Variants in NR6A1 observed in about 807,000 individuals in gnomAD.
NR6A1 encodes the protein retinoic acid receptor-related testis-associated receptor.
Under a neutral mutation model 59.1 loss-of-function variants are expected in NR6A1, and 7 were observed. The observed-to-expected ratio is 0.12, with a 90% CI of 0.07 to 0.22. The LOEUF (loss-of-function observed/expected upper bound fraction) is 0.22, where lower values mean the gene tolerates loss of function less well. NR6A1 is among the 10% of genes least tolerant of loss of function. NR6A1 has a pLI of 1.00. For synonymous variants in NR6A1, 243 were observed against 236.1 expected (o/e 1.03, Z -0.27); for missense variants, 468 against 611.6 (o/e 0.77, Z 2.48).
At chr9:124,723,166 T>A (rs10760373) in intron 2 of NR6A1, among the ~76,000 whole-genome samples, 73,683 of 151,920 alleles carry the variant, frequency 0.49, 18,053 homozygotes, top group Admixed American at 0.59. Context: ...TTTTTTAAAG[T>A]CTGAGTAAAC....
rs562949133 is a variant in NR6A1, at chr9:124,694,012, C to T, written c.142+39296G>A. Among the ~76,000 whole-genome samples the T allele has an allele frequency of 6.0e-4, 91 of 152,278 alleles. 1 individual carries two copies. In the South Asian group the frequency reaches 0.018, roughly 31 times the overall value. The stretch of plus-strand genomic sequence containing the variant: ...GATATTTTATAGGAAGAATTAAATA[C>T]ATATCTGGATATCACATCACATTTT... On this transcript the variant is annotated intron_variant, in intron 2 of 9. Transcript: ENST00000487099.
chr9:124,679,332 G>C (rs1838053895), intron 2 of NR6A1, among the ~76,000 whole-genome samples: 1 of 152,246 alleles, frequency 6.6e-6, no homozygotes, highest in African/African-American at 2.4e-5. Context: ...TCTCCAAACT[G>C]ATTTGTTAAG....
chr9:124,628,206 T>C (rs1054536463), intron 2 of NR6A1, among the ~76,000 whole-genome samples: 3 of 152,112 alleles, frequency 2.0e-5, no homozygotes, highest in African/African-American at 4.8e-5. Flanking sequence ...TTTTGTATTA[T>C]TAGTAGAGAC....
chr9:124,728,435 A>C (rs1456407193), intron 2 of NR6A1, among the ~76,000 whole-genome samples: 1 of 151,884 alleles, frequency 6.6e-6, no homozygotes, highest in Non-Finnish European at 1.5e-5. Flanking sequence ...GGAGTTCAAG[A>C]CCAGCGTGGC....
intron 2 of NR6A1, among the ~76,000 whole-genome samples, chr9:124,671,615 T>C (rs1486607960): frequency 6.6e-6 from 1 of 152,162 alleles, no homozygotes; most frequent in Non-Finnish European, 1.5e-5. Flanking sequence ...AAAAGTATTA[T>C]TAATTAGATC....
At chr9:124,757,663 A>T (rs1413484355) in intron 1 of NR6A1, among the ~76,000 whole-genome samples, 2 of 152,224 alleles carry the variant, frequency 1.3e-5, no homozygotes, top group Non-Finnish European at 2.9e-5. Flanking sequence ...ATTCAAGCAC[A>T]GACAGACCCT....
intron 2 of NR6A1, among the ~76,000 whole-genome samples, chr9:124,631,657 T>C (rs114709480): frequency 0.015 from 2,305 of 150,110 alleles, 49 homozygotes; most frequent in African/African-American, 0.054. Context: ...GCTACCTGCA[T>C]TTTTTTTTTA....
chr9:124,621,478 A>G (rs1029694890), intron 2 of NR6A1, among the ~76,000 whole-genome samples: 1 of 107,386 alleles, frequency 9.3e-6, no homozygotes, highest in African/African-American at 3.9e-5. Flanking sequence ...GAGACCCAAT[A>G]TCTTTAAAAA....
chr9:124,570,290 T>C (rs1834403372), intron 2 of NR6A1, among the ~76,000 whole-genome samples: 1 of 152,190 alleles, frequency 6.6e-6, no homozygotes, highest in Non-Finnish European at 1.5e-5. Context: ...AAACCCTCTT[T>C]GGAGAAAGGC....
At chr9:124,626,702 G>A (rs756787533) in intron 2 of NR6A1, among the ~76,000 whole-genome samples, 4 of 152,146 alleles carry the variant, frequency 2.6e-5, no homozygotes, top group Admixed American at 6.5e-5. Flanking sequence ...TTGGGAGGCC[G>A]AGGTGGGTGG....
chr9:124,757,748 C>T (rs535565978), intron 1 of NR6A1, among the ~76,000 whole-genome samples: 93 of 152,294 alleles, frequency 6.1e-4, no homozygotes, highest in Non-Finnish European at 1.1e-3. Flanking sequence ...TATGCAAGCA[C>T]TTCCAACTGT....
intron 2 of NR6A1, among the ~76,000 whole-genome samples, chr9:124,560,758 A>G (rs939642929): frequency 6.6e-6 from 1 of 152,026 alleles, no homozygotes; most frequent in Non-Finnish European, 1.5e-5. Context: ...ACAGGGTTTC[A>G]CCATGTTGGC....
At chr9:124,594,306 A>T (rs1835210648) in intron 2 of NR6A1, among the ~76,000 whole-genome samples, 1 of 152,222 alleles carries the variant, frequency 6.6e-6, no homozygotes, top group African/African-American at 2.4e-5. Flanking sequence ...GAAGAACTGA[A>T]GTTTCAAAAC....
intron 5 of NR6A1, among the ~76,000 whole-genome samples, chr9:124,539,349 T>C (rs1833376276): frequency 6.6e-6 from 1 of 152,240 alleles, no homozygotes; most frequent in Non-Finnish European, 1.5e-5. Context: ...ATAATGTCCA[T>C]GGCCATAGCT....
chr9:124,642,366 A>G (rs1836790942), intron 2 of NR6A1, among the ~76,000 whole-genome samples: 1 of 152,158 alleles, frequency 6.6e-6, no homozygotes, highest in Admixed American at 6.5e-5. Flanking sequence ...TCTTTTATTT[A>G]TTATCTATAA....
At chr9:124,602,021 A>T (rs533838160) in intron 2 of NR6A1, among the ~76,000 whole-genome samples, 1 of 152,234 alleles carries the variant, frequency 6.6e-6, no homozygotes, top group Non-Finnish European at 1.5e-5. Flanking sequence ...GAACCAAATA[A>T]TTGTAAAAAG....
chr9:124,754,154 T>C (rs1840579447), intron 1 of NR6A1, among the ~76,000 whole-genome samples: 1 of 151,006 alleles, frequency 6.6e-6, no homozygotes, highest in African/African-American at 2.4e-5. Flanking sequence ...GGAGGAGGAG[T>C]TCCAACTCAG....
At chr9:124,746,822 A>G (rs1207953285) in intron 1 of NR6A1, among the ~76,000 whole-genome samples, 9 of 152,204 alleles carry the variant, frequency 5.9e-5, no homozygotes, top group Non-Finnish European at 8.8e-5. Context: ...TTCCATGTAT[A>G]GGCTGCTATC....
intron 2 of NR6A1, among the ~76,000 whole-genome samples, chr9:124,614,692 T>G (rs1209726203): frequency 6.6e-6 from 1 of 152,166 alleles, no homozygotes; most frequent in African/African-American, 2.4e-5. Flanking sequence ...AAAATTCCCT[T>G]TGTAAATCAG....
Sources: allele counts gnomAD v4.1 joint callset (sites outside exome capture counted in the v4.1 genomes callset), GRCh38; gene constraint gnomAD v4.1.1; transcripts MANE v1.5; gene names NCBI Gene and HGNC (gene_info 2026-07-23, HGNC 2026-07-21).